NRXN3: variants seen among roughly 807,000 people sequenced by gnomAD.
NRXN3 encodes the protein neurexin III.
A neutral mutation model predicts 137.6 loss-of-function variants in NRXN3; 32 were observed. That is an observed-to-expected ratio of 0.23 (90% CI 0.18 to 0.31). NRXN3 has a LOEUF of 0.31. Ranked by LOEUF, NRXN3 falls within the 10% of genes least tolerant of loss-of-function variation. NRXN3 has a pLI of 1.00. For missense variants in NRXN3, 1,574 were observed against 2,062.5 expected (o/e 0.76, Z 4.59); for synonymous variants, 798 against 784.5 (o/e 1.02, Z -0.29).
At position 78,242,882 on chromosome 14, in the gene NRXN3, A is replaced by C; in HGVS notation, c.-212A>C. On this transcript the variant is annotated 5_prime_UTR_variant, in exon 2 of 21. Transcript: ENST00000335750. ...TCTTTTTCTACTGCCTCTTTATTCA[A>C]TTTCTTGCTTGTGTGCCCCTCTGGG... 1 of 472,242 alleles carries C rather than the reference A, an allele frequency of 2.1e-6. No homozygotes were observed. The highest frequency in any genetic ancestry group is 3.7e-6 in the Non-Finnish European group (1 of 270,872). The allele number at this position is 472,242 out of a possible 1,614,324, so 29.3% of individuals were successfully genotyped here.
chr14:79,717,855 T>G (rs1334939593), intron 19 of NRXN3, among the ~76,000 whole-genome samples: 3 of 152,080 alleles, frequency 2.0e-5, no homozygotes, highest in Non-Finnish European at 4.4e-5. Flanking sequence ...TCTAAAGGAG[T>G]GGACCATCCC....
intron 4 of NRXN3, among the ~76,000 whole-genome samples, chr14:78,349,997 T>G (rs1237633015): frequency 6.6e-6 from 1 of 152,128 alleles, no homozygotes; most frequent in African/African-American, 2.4e-5. Context: ...TTGAAATTGT[T>G]AGAAGAGGGA....
At chr14:78,289,970 G>C (rs1473012699) in intron 3 of NRXN3, among the ~76,000 whole-genome samples, 1 of 152,202 alleles carries the variant, frequency 6.6e-6, no homozygotes, top group Non-Finnish European at 1.5e-5. Context: ...TCTTACATGA[G>C]TTTTTTACAA....
intron 15 of NRXN3, among the ~76,000 whole-genome samples, chr14:79,390,334 C>A (rs1170646622): frequency 7.1e-6 from 1 of 140,114 alleles, no homozygotes; most frequent in African/African-American, 2.6e-5. Context: ...AAAAAAAAAA[C>A]CTACATGAAT....
chr14:78,910,336 A>G (rs8011529), intron 10 of NRXN3, among the ~76,000 whole-genome samples: 52,292 of 151,924 alleles, frequency 0.34, 11,695 homozygotes, highest in African/African-American at 0.63. Context: ...TGGGGTGCAG[A>G]TATAAGTGGT....
chr14:79,481,329 T>C (rs1181229274), intron 16 of NRXN3, among the ~76,000 whole-genome samples: 1 of 152,230 alleles, frequency 6.6e-6, no homozygotes, highest in Non-Finnish European at 1.5e-5. Context: ...TTCATTCTAA[T>C]ATGCTCACGA....
At chr14:78,934,637 A>G (rs939055466) in intron 10 of NRXN3, among the ~76,000 whole-genome samples, 1 of 152,212 alleles carries the variant, frequency 6.6e-6, no homozygotes, top group Non-Finnish European at 1.5e-5. Flanking sequence ...GAAATAAAAA[A>G]TGATGAGTTC....
At chr14:78,710,791 A>G (rs1393577871) in intron 7 of NRXN3, among the ~76,000 whole-genome samples, 3 of 152,150 alleles carry the variant, frequency 2.0e-5, no homozygotes, top group African/African-American at 7.2e-5. Context: ...CCTTAGGAAG[A>G]GCTGGATGGG....
intron 15 of NRXN3, among the ~76,000 whole-genome samples, chr14:79,225,928 C>A (rs1276193755): frequency 6.6e-6 from 1 of 152,078 alleles, no homozygotes; most frequent in African/African-American, 2.4e-5. Flanking sequence ...CTGCATTCTT[C>A]TGCTTCTTTG....
intron 4 of NRXN3, among the ~76,000 whole-genome samples, chr14:78,468,091 T>G (rs540335544): frequency 6.6e-6 from 1 of 152,168 alleles, no homozygotes; most frequent in African/African-American, 2.4e-5. Flanking sequence ...GCCTGGCTAA[T>G]TTTTGTATTT....
intron 15 of NRXN3, among the ~76,000 whole-genome samples, chr14:79,373,321 A>T: frequency 6.6e-6 from 1 of 152,038 alleles, no homozygotes; most frequent in East Asian, 1.9e-4. Context: ...TTCTGGGGGG[A>T]AAAAAAAGGA....
intron 16 of NRXN3, among the ~76,000 whole-genome samples, chr14:79,616,051 G>A (rs1393931272): frequency 6.6e-6 from 1 of 152,122 alleles, no homozygotes; most frequent in African/African-American, 2.4e-5. Flanking sequence ...CTTGATCATT[G>A]AGAGTCATAC....
intron 15 of NRXN3, among the ~76,000 whole-genome samples, chr14:78,988,763 G>GTA (rs10658037): frequency 0.37 from 53,462 of 145,094 alleles, 9,821 homozygotes; most frequent in Admixed American, 0.47. Flanking sequence ...ATGTATGTGT[G>GTA]TATATATATG....
chr14:78,677,427 G>GAAA (rs201631742), intron 6 of NRXN3, among the ~76,000 whole-genome samples: 1 of 144,200 alleles, frequency 6.9e-6, no homozygotes, highest in African/African-American at 2.5e-5. Flanking sequence ...GTGAAAATAG[G>GAAA]AAAAAAAAAA....
chr14:79,486,913 TTCTCTCTCTCTCTCTCTCTCTCTCTCTC>T (rs58861355), intron 16 of NRXN3, among the ~76,000 whole-genome samples: 8 of 128,478 alleles, frequency 6.2e-5, no homozygotes, highest in Non-Finnish European at 1.1e-4. Context: ...TCTTTACAGG[TTCTCTCTCTCTCTCTCTCTCTCTCTCTC>T]TCTCTCTCTC....
At chr14:79,853,497 A>G (rs755308214) in intron 20 of NRXN3, 2 of 1,191,712 alleles carry the variant, frequency 1.7e-6, no homozygotes, top group African/African-American at 3.1e-5. Flanking sequence ...GGGCATGTGT[A>G]GGCTCATTTG....
chr14:78,371,094 C>T (rs1228752686), intron 4 of NRXN3, among the ~76,000 whole-genome samples: 1 of 152,156 alleles, frequency 6.6e-6, no homozygotes, highest in African/African-American at 2.4e-5. Context: ...CAAGGCCCCA[C>T]TCTCAAACCT....
intron 10 of NRXN3, among the ~76,000 whole-genome samples, chr14:78,944,442 T>G (rs919516920): frequency 6.6e-6 from 1 of 152,232 alleles, no homozygotes. Context: ...CCTAAAAATT[T>G]GATGTCTACC....
intron 1 of NRXN3, among the ~76,000 whole-genome samples, chr14:78,175,576 G>T (rs1838987315): frequency 6.6e-6 from 1 of 152,206 alleles, no homozygotes; most frequent in African/African-American, 2.4e-5. Context: ...GCTGGGGGAA[G>T]AACTGTTGCG....
Sources: allele counts gnomAD v4.1 joint callset (sites outside exome capture counted in the v4.1 genomes callset), GRCh38; gene constraint gnomAD v4.1.1; transcripts MANE v1.5; gene names NCBI Gene and HGNC (gene_info 2026-07-23, HGNC 2026-07-21).